Variants in MIX23 observed in about 807,000 individuals in gnomAD.
MIX23 encodes mitochondrial matrix import factor 23, also known as protein MIX23.
MIX23 carries 13 observed loss-of-function variants against 21.6 expected under a neutral mutation model. The observed-to-expected ratio is 0.60, with a 90% confidence interval of 0.39 to 0.96. The LOEUF (loss-of-function observed/expected upper bound fraction) is 0.96. Ranked by LOEUF, MIX23 falls within the 40% of genes least tolerant of loss-of-function variation. The pLI, the probability that MIX23 is intolerant of heterozygous loss-of-function variation, is 0.00. For missense variants in MIX23, 144 were observed against 171.2 expected (o/e 0.84, Z 0.89); for synonymous variants, 59 against 58.0 (o/e 1.02, Z -0.08).
At chr3:122,374,123 A>ATTT in intron 1 of MIX23, among the ~76,000 whole-genome samples, 1 of 148,830 alleles carries the variant, frequency 6.7e-6, no homozygotes, top group African/African-American at 2.5e-5. Context: ...TTTTTTTAAA[A>ATTT]AAAAAGCCTC....
intron 4 of MIX23, among the ~76,000 whole-genome samples, chr3:122,362,294 G>C (rs775806249): frequency 4.6e-5 from 7 of 152,124 alleles, no homozygotes; most frequent in South Asian, 2.1e-4. Flanking sequence ...AAAACTTACG[G>C]AAAGTAACTG....
chr3:122,378,514 C>G (rs1275242200), intron 1 of MIX23, among the ~76,000 whole-genome samples: 1 of 152,136 alleles, frequency 6.6e-6, no homozygotes, highest in Non-Finnish European at 1.5e-5. Context: ...CTTACACAAA[C>G]CTAGATGGTA....
chr3:122,367,119 G>C (rs1415566869), intron 3 of MIX23, among the ~76,000 whole-genome samples: 1 of 151,992 alleles, frequency 6.6e-6, no homozygotes, highest in Non-Finnish European at 1.5e-5. Context: ...GACAGGGAGA[G>C]GGAGGAAGGC....
intron 2 of MIX23, 145 bp downstream of exon 2, chr3:122,371,530 G>T: frequency 1.1e-6 from 1 of 892,084 alleles, no homozygotes; most frequent in Non-Finnish European, 1.8e-6. Flanking sequence ...GTAGTAACCA[G>T]ATCAAAACTT....
chr3:122,381,081 T>A (rs760618384), intron 1 of MIX23, among the ~76,000 whole-genome samples: 47 of 152,238 alleles, frequency 3.1e-4, no homozygotes, highest in Non-Finnish European at 5.4e-4. Flanking sequence ...AAAACTTTTT[T>A]GTCTATTATC....
At chr3:122,376,918 C>T (rs28539887) in intron 1 of MIX23, among the ~76,000 whole-genome samples, 4,236 of 152,014 alleles carry the variant, frequency 0.028, 205 homozygotes, top group African/African-American at 0.096. Context: ...GGTGCAGTGG[C>T]TCACACCTGT....
rs2075444121 is a variant in MIX23 at position 122,371,803 on chromosome 3, A to G, written c.52-3T>C. The G allele has an allele frequency of 5.1e-6, 8 of 1,581,818 alleles. No homozygotes were observed. Among genetic ancestry groups the G allele is most frequent in the Admixed American group, 1.8e-5 (1 of 56,518 alleles). On this transcript the variant is annotated splice_region_variant and splice_polypyrimidine_tract_variant and intron_variant, in intron 1 of 4. Transcript: ENST00000291458. ...GTCCTCATCACCTTGAGTAATTCCT[A>G]TATGTATTTAAAATAAAAGAATATA...
At position 122,381,052 on chromosome 3, in the gene MIX23, C is replaced by T. The variant is rs371206175; in HGVS notation, c.51+2122G>A. Among the ~76,000 whole-genome samples the T allele has an allele frequency of 1.4e-4, 22 of 152,318 alleles. No homozygotes were observed. In the East Asian group the frequency reaches 3.5e-3, roughly 24 times the overall value. ...AATGTGTTCTAGCAATACTGATTTTCTATTTCCTTTAAATACATAAAACTT... is the reference window on the plus strand; with the variant it reads ...AATGTGTTCTAGCAATACTGATTTTTTATTTCCTTTAAATACATAAAACTT... On this transcript the variant is annotated intron_variant, in intron 1 of 4. Coordinates refer to ENST00000291458, the MANE Select transcript of MIX23 (RefSeq NM_001017928.4).
In MIX23 at chr3:122,373,640, T is replaced by C. The variant is rs186331689; in HGVS notation, c.52-1840A>G. Among the ~76,000 whole-genome samples, 24 of 152,314 alleles carry C rather than the reference T, an allele frequency of 1.6e-4. No individual in the cohort carries two copies. In the East Asian group the frequency reaches 4.6e-3, roughly 29 times the overall value. On this transcript the variant is annotated intron_variant, in intron 1 of 4. Transcript: ENST00000291458. The stretch of plus-strand genomic sequence containing the variant: ...GTTCAAGCACAACTCATTTGGCCAC[T>C]TTCTCATTAACAAACATTTAGGTTG...
At chr3:122,373,945 T>C (rs982097061) in intron 1 of MIX23, among the ~76,000 whole-genome samples, 9 of 152,118 alleles carry the variant, frequency 5.9e-5, no homozygotes, top group African/African-American at 2.2e-4. Flanking sequence ...AATGCATTCA[T>C]TGGGCAACCA....
At chr3:122,364,016 A>G (rs1038240985) in intron 3 of MIX23, among the ~76,000 whole-genome samples, 1 of 152,208 alleles carries the variant, frequency 6.6e-6, no homozygotes, top group Non-Finnish European at 1.5e-5. Flanking sequence ...AAAGTGAAGA[A>G]CCCAGGCCAG....
rs147354536 is a variant in MIX23, at chr3:122,377,094, T to C, written c.52-5294A>G. ...TACTTAGGAGGCTAAGGCAGGAGAATTGCTTGAACCCAGCACGCAGAGGTT... is the reference window on the plus strand; with the variant it reads ...TACTTAGGAGGCTAAGGCAGGAGAACTGCTTGAACCCAGCACGCAGAGGTT... On this transcript the variant is annotated intron_variant, in intron 1 of 4. Transcript: ENST00000291458. Among the ~76,000 whole-genome samples, 908 of 152,240 alleles carry C rather than the reference T, an allele frequency of 6.0e-3. 3 individuals are homozygous for C. Among genetic ancestry groups the C allele is most frequent in the African/African-American group, 0.021 (873 of 41,556 alleles).
At chr3:122,377,331 T>C (rs1206116797) in intron 1 of MIX23, among the ~76,000 whole-genome samples, 2 of 152,234 alleles carry the variant, frequency 1.3e-5, no homozygotes, top group Non-Finnish European at 2.9e-5. Context: ...AAGTAGAGTA[T>C]GCCAGTCTGA....
chr3:122,380,979 C>T (rs2075526745), intron 1 of MIX23, among the ~76,000 whole-genome samples: 1 of 152,172 alleles, frequency 6.6e-6, no homozygotes, highest in African/African-American at 2.4e-5. Context: ...AGGCTTTCCA[C>T]AAATCTGGTT....
Position 122,368,292 on chromosome 3 carries a change from C to A in MIX23, c.208G>T (p.Val70Phe). Residue 70 changes from valine to phenylalanine, a missense_variant, in exon 3 of 5, where the codon GTC becomes TTC. Coordinates refer to ENST00000291458, the MANE Select transcript of MIX23 (RefSeq NM_001017928.4). The part of the protein sequence containing the change: ...LMAAHASRDR[V>F]IKNCIAQTSA... Reference sequence around the variant, plus strand: ...GTCTGGGCTATACAGTTTTTTATGACTCTGTCTCTACTGGCATGAGCTGCC... The same window carrying A: ...GTCTGGGCTATACAGTTTTTTATGAATCTGTCTCTACTGGCATGAGCTGCC... 2 of 1,606,696 alleles carry A rather than the reference C, an allele frequency of 1.2e-6. No homozygotes were observed. The highest frequency in any genetic ancestry group is 2.2e-5 in the South Asian group (2 of 90,528).
At chr3:122,380,616 T>A (rs182599839) in intron 1 of MIX23, among the ~76,000 whole-genome samples, 1 of 152,036 alleles carries the variant, frequency 6.6e-6, no homozygotes, top group African/African-American at 2.4e-5. Flanking sequence ...ATGAGGACAA[T>A]AATAAGAGAC....
chr3:122,374,352 T>C (rs1559993160), intron 1 of MIX23, among the ~76,000 whole-genome samples: 6 of 152,286 alleles, frequency 3.9e-5, no homozygotes, highest in Middle Eastern at 6.8e-3. Context: ...TTAGTATCCA[T>C]GGGGGTTTGG....
chr3:122,378,009 A>G (rs889442552), intron 1 of MIX23, among the ~76,000 whole-genome samples: 9 of 152,180 alleles, frequency 5.9e-5, no homozygotes, highest in Non-Finnish European at 1.3e-4. Context: ...GTGTAACATG[A>G]GGTCCATTAT....
At chr3:122,374,406 T>A (rs2075467059) in intron 1 of MIX23, among the ~76,000 whole-genome samples, 1 of 152,208 alleles carries the variant, frequency 6.6e-6, no homozygotes, top group Non-Finnish European at 1.5e-5. Context: ...GATGCTCAAG[T>A]CCCTGATATA....
Sources: gnomAD v4.1 joint callset for allele counts (sites outside exome capture counted in the v4.1 genomes callset) on GRCh38, gnomAD v4.1.1 for gene constraint, MANE v1.5 for transcripts, NCBI Gene and HGNC (gene_info 2026-07-23, HGNC 2026-07-21) for gene names.